Variants in CSMD2 observed in about 807,000 individuals in gnomAD.
CSMD2 encodes CUB and Sushi multiple domains 2, also known as CUB and sushi domain-containing protein 2.
A neutral mutation model predicts 398.5 loss-of-function variants in CSMD2; 130 were observed. That is an observed-to-expected ratio of 0.33 (90% CI 0.28 to 0.38). The LOEUF is 0.38. CSMD2 is among the 10% of genes least tolerant of loss of function. The pLI is 1.00. For missense variants in CSMD2, 3,829 were observed against 4,764.9 expected (o/e 0.80, Z 5.78); for synonymous variants, 1,828 against 1,908.5 (o/e 0.96, Z 1.10).
In CSMD2 at chr1:33,688,815, C is replaced by T. The variant is rs1645139561; in HGVS notation, c.4052+4115G>A. On this transcript the variant is annotated intron_variant, in intron 25 of 70. Coordinates refer to ENST00000373381, the MANE Select transcript of CSMD2 (RefSeq NM_001281956.2). ...TGGGCAATAGAACAAGACTGTCCAACCCTCCTCCAAAAAAAAGAGTACCTA... is the reference window on the plus strand; with the variant it reads ...TGGGCAATAGAACAAGACTGTCCAATCCTCCTCCAAAAAAAAGAGTACCTA... Among the ~76,000 whole-genome samples the T allele has an allele frequency of 3.9e-5, 6 of 152,022 alleles. No homozygotes were observed. In the South Asian group the frequency reaches 1.0e-3, roughly 26 times the overall value.
In CSMD2 at chr1:33,717,652, C is replaced by A. The variant is rs1043134080; in HGVS notation, c.3002-1151G>T. On this transcript the variant is annotated intron_variant, in intron 19 of 70. Coordinates refer to ENST00000373381, the MANE Select transcript of CSMD2 (RefSeq NM_001281956.2). ...GAAGTTCAGGATTAAAGGGGGACTA[C>A]AGAGGTAGATTTGAGTCACCAGCAA... 3.3e-5 allele frequency among the ~76,000 whole-genome samples: 5 copies of A among 151,526 alleles called. No individual in the cohort carries two copies. In the East Asian group the frequency reaches 9.9e-4, roughly 30 times the overall value.
rs144560868 is a variant in CSMD2, at chr1:34,046,665, T to C, written c.405-13959A>G. Among the ~76,000 whole-genome samples, 73 of 152,344 alleles carry C rather than the reference T, an allele frequency of 4.8e-4. 2 individuals are homozygous for C. In the East Asian group the frequency reaches 0.013, roughly 26 times the overall value. On this transcript the variant is annotated intron_variant, in intron 2 of 70. Transcript: ENST00000373381. ...CCCATGATTTGTCTCTATGATCTGA[T>C]AGGTTCACAAAAGAGATTAAGGCTG...
intron 5 of CSMD2, among the ~76,000 whole-genome samples, chr1:33,899,173 C>T (rs1642591532): frequency 6.6e-6 from 1 of 152,188 alleles, no homozygotes; most frequent in Non-Finnish European, 1.5e-5. Context: ...GCAGTCTGTC[C>T]CACGCTCACC....
chr1:33,864,635 C>G, intron 5 of CSMD2: 1 of 1,613,902 alleles, frequency 6.2e-7, no homozygotes, highest in Non-Finnish European at 8.5e-7. Context: ...GAGTGGCTCT[C>G]CTGAGAGCTA....
At chr1:33,969,447 GGATA>G (rs546201751) in intron 3 of CSMD2, among the ~76,000 whole-genome samples, 132 of 152,220 alleles carry the variant, frequency 8.7e-4, no homozygotes, top group African/African-American at 2.9e-3. Flanking sequence ...ATGGATGGAT[GGATA>G]GATAGACAGA....
At chr1:33,884,194 C>T (rs1476961821) in intron 5 of CSMD2, among the ~76,000 whole-genome samples, 1 of 151,962 alleles carries the variant, frequency 6.6e-6, no homozygotes, top group Non-Finnish European at 1.5e-5. Context: ...CTCATCCTCC[C>T]TTTTTCCCTG....
chr1:33,967,056 T>C (rs1409398182), intron 3 of CSMD2, among the ~76,000 whole-genome samples: 1 of 152,174 alleles, frequency 6.6e-6, no homozygotes, highest in Non-Finnish European at 1.5e-5. Context: ...TTCATCACGA[T>C]TCTATTTAGT....
chr1:33,917,126 C>T (rs1643764642), intron 5 of CSMD2, among the ~76,000 whole-genome samples: 1 of 152,178 alleles, frequency 6.6e-6, no homozygotes. Flanking sequence ...GGCCCAGCCC[C>T]GCACCCAGGG....
intron 41 of CSMD2, chr1:33,606,129 G>T: frequency 7.6e-7 from 1 of 1,323,672 alleles, no homozygotes; most frequent in South Asian, 1.6e-5. Context: ...TGCCTCCATG[G>T]AAGCAGCTGA....
chr1:33,640,458 G>A (rs1643041324), intron 29 of CSMD2, among the ~76,000 whole-genome samples: 1 of 152,126 alleles, frequency 6.6e-6, no homozygotes, highest in African/African-American at 2.4e-5. Context: ...TGGCTGCCTG[G>A]TTTTGTAAAT....
chr1:33,847,019 G>A lies in CSMD2; in HGVS notation c.921-23C>T, dbSNP rs756962382. On this transcript the variant is annotated intron_variant, in intron 5 of 70. Coordinates refer to ENST00000373381, the MANE Select transcript of CSMD2 (RefSeq NM_001281956.2). ...AACCTGTGGGAACAGGAAGCAGATG[G>A]GCTCAGGGACCAGAGCTGAGTGGTA... 21 of 1,547,186 alleles carry A rather than the reference G, an allele frequency of 1.4e-5. No individual in the cohort carries two copies. The South Asian group carries it at 2.4e-4, about 17-fold the overall frequency.
Position 33,730,929 on chromosome 1 carries a change from C to G in CSMD2, c.2369-4244G>C, listed in dbSNP as rs7542050. Among the ~76,000 whole-genome samples, 972 of 152,116 alleles carry G rather than the reference C, an allele frequency of 6.4e-3. 10 individuals are homozygous for G. The highest frequency in any genetic ancestry group is 0.022 in the African/African-American group (913 of 41,498). On this transcript the variant is annotated intron_variant, in intron 15 of 70. Coordinates refer to ENST00000373381, the MANE Select transcript of CSMD2 (RefSeq NM_001281956.2). ...GAACGAAGTCAATAATAAAAAGTAC[C>G]CCTAGTGCCCAAATTTTAAATATCA...
At chr1:34,112,806 T>G (rs1479820992) in intron 1 of CSMD2, 1 of 152,108 alleles carries the variant, frequency 6.6e-6, no homozygotes. Flanking sequence ...AAGAAAAGGA[T>G]TCAAGCCAAT....
intron 5 of CSMD2, among the ~76,000 whole-genome samples, chr1:33,893,791 T>G (rs1642204358): frequency 1.3e-5 from 2 of 152,214 alleles, no homozygotes; most frequent in African/African-American, 4.8e-5. Flanking sequence ...TCCACAGAAC[T>G]TACCATTCTG....
At chr1:33,915,851 G>A (rs1452534040) in intron 5 of CSMD2, among the ~76,000 whole-genome samples, 1 of 152,190 alleles carries the variant, frequency 6.6e-6, no homozygotes, top group East Asian at 1.9e-4. Context: ...ATAATAGCAT[G>A]CTGTCATGGC....
chr1:33,639,198 A>C (rs1484578104), intron 29 of CSMD2, among the ~76,000 whole-genome samples: 2 of 152,170 alleles, frequency 1.3e-5, no homozygotes, highest in East Asian at 3.8e-4. Flanking sequence ...ATGGACTAGC[A>C]TGGTAGAGTA....
At chr1:33,621,408 G>T (rs1350809493) in intron 37 of CSMD2, among the ~76,000 whole-genome samples, 1 of 152,144 alleles carries the variant, frequency 6.6e-6, no homozygotes, top group Non-Finnish European at 1.5e-5. Flanking sequence ...ATGCTGTCAT[G>T]CACCTCTCTG....
At chr1:34,057,556 G>A (rs186419219) in intron 2 of CSMD2, among the ~76,000 whole-genome samples, 20 of 152,232 alleles carry the variant, frequency 1.3e-4, no homozygotes, top group African/African-American at 3.9e-4. Context: ...CAGCTCAAAG[G>A]CTGAGCCAGA....
chr1:33,600,525 G>A (rs780022407), intron 44 of CSMD2: 8 of 496,818 alleles, frequency 1.6e-5, no homozygotes, highest in South Asian at 5.8e-5. Context: ...AGGAGAACCC[G>A]CTAGAAAGTG....
Sources: allele counts gnomAD v4.1 joint callset (sites outside exome capture counted in the v4.1 genomes callset), GRCh38; gene constraint gnomAD v4.1.1; transcripts MANE v1.5; gene names NCBI Gene and HGNC (gene_info 2026-07-23, HGNC 2026-07-21).